Variants in PTPRR observed in about 807,000 individuals in gnomAD.
PTPRR encodes the protein receptor-type tyrosine-protein phosphatase R.
In PTPRR, 38 loss-of-function variants were observed where a neutral mutation model predicts 77.2. The observed-to-expected ratio is 0.49, with a 90% CI of 0.38 to 0.65. The LOEUF is 0.65. PTPRR is among the 30% of genes least tolerant of loss of function. The probability of loss-of-function intolerance (pLI) is 0.00; values close to 1 mark genes in which losing one functional copy is unlikely to be tolerated. For synonymous variants in PTPRR, 299 were observed against 283.1 expected (o/e 1.06, Z -0.57); for missense variants, 744 against 799.2 (o/e 0.93, Z 0.83).
intron 1 of PTPRR, among the ~76,000 whole-genome samples, chr12:70,916,856 C>T (rs1893782456): frequency 6.6e-6 from 1 of 152,134 alleles, no homozygotes. Context: ...GTCTTTGTGC[C>T]ATTCAAAAAG....
intron 1 of PTPRR, among the ~76,000 whole-genome samples, chr12:70,907,211 C>T (rs1173268132): frequency 1.3e-5 from 2 of 152,016 alleles, no homozygotes; most frequent in South Asian, 2.1e-4. Context: ...ATAAAGAAAC[C>T]AATAGCAAAG....
intron 2 of PTPRR, 74 bp downstream of exon 2, chr12:70,892,605 T>G (rs571336951): frequency 6.6e-7 from 1 of 1,521,530 alleles, no homozygotes; most frequent in African/African-American, 1.4e-5. Context: ...ACAATCAGTG[T>G]TTTTCTTTTT....
At chr12:70,687,548 T>C (rs192173358) in intron 8 of PTPRR, among the ~76,000 whole-genome samples, 119 of 152,158 alleles carry the variant, frequency 7.8e-4, no homozygotes, top group African/African-American at 2.7e-3. Flanking sequence ...TGTTAATAAA[T>C]TCTGGAAATC....
At chr12:70,906,700 T>C (rs1328218385) in intron 1 of PTPRR, among the ~76,000 whole-genome samples, 1 of 152,160 alleles carries the variant, frequency 6.6e-6, no homozygotes, top group African/African-American at 2.4e-5. Flanking sequence ...TGCATATGTA[T>C]GTATATATTT....
intron 2 of PTPRR, among the ~76,000 whole-genome samples, chr12:70,869,972 A>G (rs1892932505): frequency 6.6e-6 from 1 of 152,226 alleles, no homozygotes; most frequent in Non-Finnish European, 1.5e-5. Context: ...AGAAGTTCAC[A>G]AAGAGTTGGA....
chr12:70,737,115 C>T (rs532939538), intron 6 of PTPRR, among the ~76,000 whole-genome samples: 4 of 152,254 alleles, frequency 2.6e-5, no homozygotes, highest in Non-Finnish European at 5.9e-5. Context: ...CCTCCACCAT[C>T]CCTGGGTGGC....
chr12:70,700,144 A>G (rs1421357751), intron 7 of PTPRR, among the ~76,000 whole-genome samples: 5 of 152,208 alleles, frequency 3.3e-5, no homozygotes, highest in Non-Finnish European at 5.9e-5. Context: ...TTTACTTTGG[A>G]CACTTAATAA....
chr12:70,915,645 A>T (rs1893764403), intron 1 of PTPRR, among the ~76,000 whole-genome samples: 1 of 152,194 alleles, frequency 6.6e-6, no homozygotes, highest in African/African-American at 2.4e-5. Flanking sequence ...TTTTTCACTG[A>T]GTTGATTAGT....
At chr12:70,787,485 C>T (rs1891346953) in intron 2 of PTPRR, among the ~76,000 whole-genome samples, 1 of 152,128 alleles carries the variant, frequency 6.6e-6, no homozygotes, top group African/African-American at 2.4e-5. Flanking sequence ...AGCTTAATTT[C>T]TTTTAAATGA....
intron 2 of PTPRR, among the ~76,000 whole-genome samples, chr12:70,807,088 CTT>C (rs1891723358): frequency 6.6e-6 from 1 of 152,188 alleles, no homozygotes; most frequent in Non-Finnish European, 1.5e-5. Context: ...GAAGGGAACT[CTT>C]TGTCTCTTTC....
rs1260035939 is a variant in PTPRR, at chr12:70,747,479, C to T, written c.739-1393G>A. Reference sequence around the variant, plus strand: ...ATGAGAACATTTGCTTGCCTGTTTACACTTGGATTTTGGAGAAATATGAAT... The same window carrying T: ...ATGAGAACATTTGCTTGCCTGTTTATACTTGGATTTTGGAGAAATATGAAT... On this transcript the variant is annotated intron_variant, in intron 5 of 13. Coordinates refer to ENST00000283228, the MANE Select transcript of PTPRR (RefSeq NM_002849.4). Among the ~76,000 whole-genome samples the T allele has an allele frequency of 3.3e-5, 5 of 152,262 alleles. No homozygotes were observed. In the East Asian group the frequency reaches 5.8e-4, roughly 18 times the overall value.
intron 2 of PTPRR, among the ~76,000 whole-genome samples, chr12:70,789,596 G>C (rs549137353): frequency 6.6e-6 from 1 of 152,008 alleles, no homozygotes. Context: ...TCAGATAACT[G>C]TTGTAATTAT....
intron 10 of PTPRR, among the ~76,000 whole-genome samples, chr12:70,664,018 C>T (rs1886889131): frequency 6.6e-6 from 1 of 152,098 alleles, no homozygotes. Context: ...TGCTAAGTAC[C>T]ACTACTCTAC....
chr12:70,665,303 C>G (rs1458438027), intron 10 of PTPRR, among the ~76,000 whole-genome samples: 2 of 148,516 alleles, frequency 1.3e-5, no homozygotes, highest in Non-Finnish European at 3.0e-5. Context: ...GGACATTAAC[C>G]AGTGCTTTGT....
intron 6 of PTPRR, among the ~76,000 whole-genome samples, chr12:70,736,975 G>C (rs1281802830): frequency 6.6e-6 from 1 of 152,202 alleles, no homozygotes; most frequent in Non-Finnish European, 1.5e-5. Context: ...CCTTTCTCCA[G>C]CTGGTGCCCC....
chr12:70,645,494 T>C (rs1349870225), intron 13 of PTPRR, among the ~76,000 whole-genome samples: 1 of 152,200 alleles, frequency 6.6e-6, no homozygotes, highest in Non-Finnish European at 1.5e-5. Flanking sequence ...TCATTATCAA[T>C]TGGGTCACCT....
chr12:70,761,510 T>C lies in PTPRR; in HGVS notation c.588A>G (p.Gln196=), dbSNP rs187080587. Residue 196 remains glutamine (Q), a synonymous_variant, in exon 4 of 14, where the codon CAA becomes CAG. Coordinates refer to ENST00000283228, the MANE Select transcript of PTPRR (RefSeq NM_002849.4). Reference sequence around the variant, plus strand: ...CTGTAATTCCAAACTGGGATAAACTTTGATGCAAAACATTGATATTAAGTG... The same window carrying C: ...CTGTAATTCCAAACTGGGATAAACTCTGATGCAAAACATTGATATTAAGTG... The part of the protein sequence containing the change: ...LRSLNINVLH[Q]SLSQFGITEV... 2.8e-5 allele frequency: 45 copies of C among 1,610,044 alleles called. No homozygotes were observed. The highest frequency in any genetic ancestry group is 3.4e-5 in the Non-Finnish European group (40 of 1,178,462).
chr12:70,780,978 C>T (rs558511951), intron 2 of PTPRR, among the ~76,000 whole-genome samples: 4 of 152,310 alleles, frequency 2.6e-5, no homozygotes, highest in African/African-American at 9.6e-5. Flanking sequence ...CAGGAGAGTG[C>T]TGTGGTTTAC....
chr12:70,643,721 CA>C (rs972456714), intron 13 of PTPRR, among the ~76,000 whole-genome samples: 1 of 151,974 alleles, frequency 6.6e-6, no homozygotes, highest in Non-Finnish European at 1.5e-5. Context: ...ATAAAGTTCC[CA>C]ATACAAAGTG....
Sources: allele counts gnomAD v4.1 joint callset (sites outside exome capture counted in the v4.1 genomes callset), GRCh38; gene constraint gnomAD v4.1.1; transcripts MANE v1.5; gene names NCBI Gene and HGNC (gene_info 2026-07-23, HGNC 2026-07-21).